Variants in DLGAP2 observed in about 807,000 individuals in gnomAD.
The protein encoded by DLGAP2 is DLG associated protein 2, also known as disks large-associated protein 2.
DLGAP2 carries 26 observed loss-of-function variants against 100.3 expected under a neutral mutation model. The ratio of observed to expected loss-of-function variants is 0.26; its 90% CI spans 0.19 to 0.36. The LOEUF is 0.36. Among genes scored for constraint, DLGAP2 ranks in the 10% least tolerant of loss-of-function variants. The probability of loss-of-function intolerance (pLI) is 1.00; values close to 1 mark genes in which losing one functional copy is unlikely to be tolerated. For synonymous variants in DLGAP2, 886 were observed against 630.1 expected, an observed-to-expected ratio of 1.41 and a Z score of -6.08; for missense variants, 1,858 against 1,453.2, an observed-to-expected ratio of 1.28 and a Z score of -4.53.
In DLGAP2 at chr8:955,059, A is replaced by G. The variant is rs181733354; in HGVS notation, c.73+47093A>G. Among the ~76,000 whole-genome samples the G allele has an allele frequency of 3.1e-3, 472 of 151,970 alleles. 3 individuals are homozygous for G. Among genetic ancestry groups the G allele is most frequent in the African/African-American group, 0.011 (446 of 41,434 alleles). On this transcript the variant is annotated intron_variant, in intron 2 of 14. Coordinates refer to ENST00000637795, the MANE Select transcript of DLGAP2 (RefSeq NM_001346810.2). ...AGAACTGCCAGTGCCTGTTGTACCA[A>G]TTTGTCTCTGCTTGGCCAATATTGA... is the stretch of plus-strand genomic sequence containing the variant.
chr8:766,917 T>G (rs1383310531), intron 1 of DLGAP2, among the ~76,000 whole-genome samples: 1 of 151,930 alleles, frequency 6.6e-6, no homozygotes, highest in African/African-American at 2.4e-5. Flanking sequence ...AAGACCCGGG[T>G]GGGCAACAGT....
In DLGAP2 at chr8:1,101,568, G is replaced by T. The variant is rs572761966; in HGVS notation, c.74-157283G>T. ...TTCATGGCGGCAGACGCTCAGTCTG[G>T]GAAGATGGAAGAGTTCCGGAGATGG... On this transcript the variant is annotated intron_variant, in intron 2 of 14. Transcript: ENST00000637795. 7.2e-5 allele frequency among the ~76,000 whole-genome samples: 11 copies of T among 152,262 alleles called. No individual in the cohort carries two copies. The East Asian group carries it at 7.8e-4, about 11-fold the overall frequency.
chr8:1,234,178 C>A (rs748817556), intron 2 of DLGAP2, among the ~76,000 whole-genome samples: 2 of 152,212 alleles, frequency 1.3e-5, no homozygotes, highest in Non-Finnish European at 2.9e-5. Flanking sequence ...AAGTCCTGTG[C>A]GGCTGTTGTC....
chr8:1,364,726 C>G (rs1406415878), intron 3 of DLGAP2, among the ~76,000 whole-genome samples: 1 of 152,184 alleles, frequency 6.6e-6, no homozygotes, highest in African/African-American at 2.4e-5. Context: ...GAGACAGGCC[C>G]GAACTCAGCC....
At chr8:1,486,504 C>A (rs1413664818) in intron 3 of DLGAP2, among the ~76,000 whole-genome samples, 1 of 152,130 alleles carries the variant, frequency 6.6e-6, no homozygotes, top group Non-Finnish European at 1.5e-5. Context: ...AGGGGAAAGA[C>A]CCCCTATGGA....
At chr8:1,130,362 G>T (rs745516924) in intron 2 of DLGAP2, among the ~76,000 whole-genome samples, 1 of 151,952 alleles carries the variant, frequency 6.6e-6, no homozygotes, top group Non-Finnish European at 1.5e-5. Flanking sequence ...ATTCAAAAAA[G>T]TAATAAAAAG....
At chr8:1,292,915 G>A (rs919045915) in intron 3 of DLGAP2, among the ~76,000 whole-genome samples, 1 of 152,152 alleles carries the variant, frequency 6.6e-6, no homozygotes, top group African/African-American at 2.4e-5. Context: ...CCCTCTGAGT[G>A]CTCCTAAGCA....
At chr8:845,122 C>T (rs548760734) in intron 1 of DLGAP2, among the ~76,000 whole-genome samples, 2 of 152,280 alleles carry the variant, frequency 1.3e-5, no homozygotes, top group Non-Finnish European at 2.9e-5. Context: ...TTCTGCTGTG[C>T]ATATTTGTGC....
chr8:1,499,339 G>A (rs997436606), intron 3 of DLGAP2, among the ~76,000 whole-genome samples: 5 of 152,216 alleles, frequency 3.3e-5, no homozygotes, highest in Non-Finnish European at 5.9e-5. Flanking sequence ...GTCTCTGTGT[G>A]CATGTGTGCT....
At chr8:1,449,224 G>A (rs1383598477) in intron 3 of DLGAP2, among the ~76,000 whole-genome samples, 1 of 152,220 alleles carries the variant, frequency 6.6e-6, no homozygotes, top group Non-Finnish European at 1.5e-5. Context: ...CCTATTGCCA[G>A]GGAGGTTTTT....
At chr8:1,311,047 GA>G (rs60087507) in intron 3 of DLGAP2, among the ~76,000 whole-genome samples, 1,986 of 143,270 alleles carry the variant, frequency 0.014, 51 homozygotes, top group African/African-American at 0.046. Flanking sequence ...CACTGACAAA[GA>G]AAAAAAAAAG....
At chr8:1,349,080 C>T (rs1175713664) in intron 3 of DLGAP2, among the ~76,000 whole-genome samples, 1 of 151,698 alleles carries the variant, frequency 6.6e-6, no homozygotes, top group African/African-American at 2.4e-5. Flanking sequence ...GTCACCTCAG[C>T]AGTGTGCTGC....
chr8:935,621 C>T (rs892649427), intron 2 of DLGAP2, among the ~76,000 whole-genome samples: 3 of 152,116 alleles, frequency 2.0e-5, no homozygotes, highest in Middle Eastern at 3.2e-3. Flanking sequence ...ACTCCTGCAC[C>T]GAGTTCCATG....
chr8:1,050,537 G>C (rs530392084), intron 2 of DLGAP2, among the ~76,000 whole-genome samples: 2 of 152,122 alleles, frequency 1.3e-5, no homozygotes, highest in African/African-American at 2.4e-5. Flanking sequence ...CTCATGATGG[G>C]TTTATTAGGA....
intron 8 of DLGAP2, among the ~76,000 whole-genome samples, chr8:1,637,455 C>G (rs1036130363): frequency 6.6e-6 from 1 of 151,948 alleles, no homozygotes; most frequent in African/African-American, 2.4e-5. Context: ...TCATAGCTTT[C>G]CATAAGTCAA....
At chr8:1,690,930 G>T (rs145540179) in intron 12 of DLGAP2, among the ~76,000 whole-genome samples, 1,716 of 152,136 alleles carry the variant, frequency 0.011, 31 homozygotes, top group African/African-American at 0.039. Context: ...CCATCTCCAG[G>T]AGGGAAGCCA....
chr8:1,262,555 A>C (rs1358002511), intron 3 of DLGAP2: 1 of 151,906 alleles, frequency 6.6e-6, no homozygotes, highest in Non-Finnish European at 1.5e-5. Flanking sequence ...CTCTCCTGAT[A>C]ATAATAATAA....
intron 2 of DLGAP2, among the ~76,000 whole-genome samples, chr8:1,205,821 A>G (rs147729247): frequency 2.1e-4 from 32 of 152,298 alleles, no homozygotes; most frequent in African/African-American, 7.5e-4. Context: ...CGCCTGAGTG[A>G]GAATACATCA....
intron 1 of DLGAP2, among the ~76,000 whole-genome samples, chr8:744,497 G>A (rs1240942555): frequency 8.6e-5 from 13 of 152,040 alleles, no homozygotes; most frequent in African/African-American, 2.9e-4. Flanking sequence ...CGGCCACGTC[G>A]CCCTCCCGGG....
Sources: gnomAD v4.1 joint callset for allele counts (sites outside exome capture counted in the v4.1 genomes callset) on GRCh38, gnomAD v4.1.1 for gene constraint, MANE v1.5 for transcripts, NCBI Gene and HGNC (gene_info 2026-07-23, HGNC 2026-07-21) for gene names.